The following ACYP2 variants were observed in gnomAD, a reference collection of about 807,000 sequenced individuals.
The protein encoded by ACYP2 is acylphosphatase 2.
ACYP2 carries 12 observed loss-of-function variants against 11.2 expected under a neutral mutation model. The observed-to-expected ratio is 1.08, with a 90% CI of 0.69 to 1.74. The LOEUF (loss-of-function observed/expected upper bound fraction) is 1.74, where lower values mean the gene tolerates loss of function less well. Among genes scored for constraint, ACYP2 ranks in the 40% most tolerant of loss-of-function variants. The pLI, the probability that ACYP2 is intolerant of heterozygous loss-of-function variation, is 0.00. For missense variants in ACYP2, 134 were observed against 101.9 expected, an observed-to-expected ratio of 1.31 and a Z score of -1.35; for synonymous variants, 43 against 32.2, an observed-to-expected ratio of 1.33 and a Z score of -1.13.
At chr2:54,262,904 G>A (rs1161867099) in intron 6 of ACYP2, among the ~76,000 whole-genome samples, 1 of 152,110 alleles carries the variant, frequency 6.6e-6, no homozygotes, top group Non-Finnish European at 1.5e-5. Context: ...TTTGAAGTAG[G>A]AGTAAGATTT....
intron 2 of ACYP2, among the ~76,000 whole-genome samples, chr2:53,996,312 G>A (rs572605262): frequency 6.6e-6 from 1 of 152,170 alleles, no homozygotes; most frequent in South Asian, 2.1e-4. Flanking sequence ...AAGTGTAGGG[G>A]GTGGAATGGT....
intron 6 of ACYP2, among the ~76,000 whole-genome samples, chr2:54,165,500 G>GTCTCTCTCTCTTTCACTCTC (rs1682913126): frequency 8.2e-6 from 1 of 121,518 alleles, no homozygotes; most frequent in Non-Finnish European, 1.8e-5. Flanking sequence ...GTCTCTCTCT[G>GTCTCTCTCTCTTTCACTCTC]TCTCTCTCTC....
intron 4 of ACYP2, among the ~76,000 whole-genome samples, chr2:54,088,650 A>C (rs1678069954): frequency 6.6e-6 from 1 of 152,214 alleles, no homozygotes; most frequent in East Asian, 1.9e-4. Flanking sequence ...TCGCCTCTAA[A>C]TCAACTTCCG....
intron 6 of ACYP2, among the ~76,000 whole-genome samples, chr2:54,161,800 T>TAGA (rs1469366811): frequency 6.6e-6 from 1 of 152,186 alleles, no homozygotes; most frequent in Non-Finnish European, 1.5e-5. Context: ...GAAAAGAATA[T>TAGA]AGATACAATA....
At chr2:54,033,447 A>G (rs1338046257) in intron 2 of ACYP2, among the ~76,000 whole-genome samples, 1 of 151,906 alleles carries the variant, frequency 6.6e-6, no homozygotes, top group South Asian at 2.1e-4. Context: ...TCTTGGGCTC[A>G]AGCAAACTTC....
intron 4 of ACYP2, among the ~76,000 whole-genome samples, chr2:54,067,707 A>G (rs925352170): frequency 6.6e-6 from 1 of 152,194 alleles, no homozygotes; most frequent in Admixed American, 6.5e-5. Flanking sequence ...TCTAAAAGTA[A>G]CTTTTTTTTT....
At chr2:54,045,913 GTA>G (rs1290858412) in intron 2 of ACYP2, among the ~76,000 whole-genome samples, 4 of 152,218 alleles carry the variant, frequency 2.6e-5, no homozygotes, top group African/African-American at 9.6e-5. Context: ...GCTCAGGCCT[GTA>G]ATCCCAGCAC....
chr2:53,976,494 A>G (rs1478311618), intron 2 of ACYP2, among the ~76,000 whole-genome samples: 2 of 152,192 alleles, frequency 1.3e-5, no homozygotes, highest in African/African-American at 4.8e-5. Context: ...GGGGTTAGCC[A>G]CCACACCTGG....
At chr2:54,014,665 TTGAG>T (rs1453789170) in intron 2 of ACYP2, among the ~76,000 whole-genome samples, 1 of 152,166 alleles carries the variant, frequency 6.6e-6, no homozygotes, top group Non-Finnish European at 1.5e-5. Context: ...TTTCAGCTGG[TTGAG>T]TGAGAAATGC....
chr2:54,190,346 T>A (rs1684189953), intron 6 of ACYP2, among the ~76,000 whole-genome samples: 1 of 152,088 alleles, frequency 6.6e-6, no homozygotes, highest in South Asian at 2.1e-4. Flanking sequence ...TATTGTCCCA[T>A]TTTTTTCCTG....
rs536292341 is a variant in ACYP2, at chr2:54,073,580, T to A, written c.277+16220T>A. On this transcript the variant is annotated intron_variant, in intron 4 of 6. Coordinates refer to ENST00000607452, the MANE Select transcript of ACYP2 (RefSeq NM_001320586.2). ...TTTTGTGTTTCAAAAGACACCACCA[T>A]CAAGAAAGTGAAAAGGCAACTCATA... 4.5e-4 allele frequency among the ~76,000 whole-genome samples: 68 copies of A among 152,164 alleles called. 2 individuals carry two copies. The South Asian group carries it at 0.013, about 30-fold the overall frequency.
chr2:54,050,599 G>A (rs935209174), intron 2 of ACYP2, among the ~76,000 whole-genome samples: 2 of 149,456 alleles, frequency 1.3e-5, no homozygotes, highest in African/African-American at 2.5e-5. Context: ...TTTTAAACTC[G>A]CATATATGAA....
chr2:54,045,097 A>T (rs956874146), intron 2 of ACYP2, among the ~76,000 whole-genome samples: 2 of 152,198 alleles, frequency 1.3e-5, no homozygotes, highest in African/African-American at 4.8e-5. Context: ...ATATTCCTTC[A>T]GGTCCTGCAT....
At chr2:54,256,244 C>T (rs1573003562) in intron 6 of ACYP2, 1 of 1,415,624 alleles carries the variant, frequency 7.1e-7, no homozygotes, top group Non-Finnish European at 9.6e-7. Context: ...AAACACCTCG[C>T]CCATTTGCGC....
intron 6 of ACYP2, among the ~76,000 whole-genome samples, chr2:54,294,747 C>T (rs1689450760): frequency 1.3e-5 from 2 of 150,754 alleles, no homozygotes; most frequent in East Asian, 1.9e-4. Context: ...CCCATCTCTA[C>T]AAAAAATTAA....
intron 2 of ACYP2, among the ~76,000 whole-genome samples, chr2:53,981,495 C>CA (rs1193820549): frequency 6.6e-6 from 1 of 152,106 alleles, no homozygotes; most frequent in African/African-American, 2.4e-5. Flanking sequence ...AGTGAAGTTA[C>CA]AAAGTTAAAC....
intron 2 of ACYP2, among the ~76,000 whole-genome samples, chr2:54,025,318 T>G (rs1674223342): frequency 6.6e-6 from 1 of 152,162 alleles, no homozygotes; most frequent in African/African-American, 2.4e-5. Flanking sequence ...TCACATTACC[T>G]GACTTTAAAC....
At chr2:54,135,500 A>AT (rs201222599) in intron 5 of ACYP2, 31 bp downstream of exon 2, 62 of 1,592,940 alleles carry the variant, frequency 3.9e-5, no homozygotes, top group South Asian at 9.1e-5. Context: ...TTATTTTGCT[A>AT]TTTTTTTTCC....
At chr2:54,127,099 CTTT>C (rs34900505) in intron 4 of ACYP2, among the ~76,000 whole-genome samples, 6,923 of 131,100 alleles carry the variant, frequency 0.053, 170 homozygotes, top group Non-Finnish European at 0.08. Context: ...TGAATAGCTG[CTTT>C]TTTTTTTTTT....
Sources: allele counts gnomAD v4.1 joint callset (sites outside exome capture counted in the v4.1 genomes callset), GRCh38; gene constraint gnomAD v4.1.1; transcripts MANE v1.5; gene names NCBI Gene and HGNC (gene_info 2026-07-23, HGNC 2026-07-21).